Variants in ANO10 observed in about 807,000 individuals in gnomAD.
ANO10 encodes anoctamin 10, also known as anoctamin-10.
ANO10 carries 77 observed loss-of-function variants against 74.7 expected under a neutral mutation model. The ratio of observed to expected loss-of-function variants is 1.03; its 90% CI spans 0.86 to 1.25. ANO10 has a LOEUF of 1.25. Among genes scored for constraint, ANO10 ranks in the 50% most tolerant of loss-of-function variants. ANO10 has a pLI of 0.00. For missense variants in ANO10, 721 were observed against 778.1 expected (o/e 0.93, Z 0.87); for synonymous variants, 279 against 284.9 (o/e 0.98, Z 0.21).
intron 1 of ANO10, among the ~76,000 whole-genome samples, chr3:43,619,025 T>C (rs2888333): frequency 1 from 152,297 of 152,302 alleles, 76,146 homozygotes; most frequent in Middle Eastern, 1. Flanking sequence ...AAGATGGTCT[T>C]GATCTCCTGA....
chr3:43,522,608 G>T (rs2078007426), intron 11 of ANO10, among the ~76,000 whole-genome samples: 1 of 152,224 alleles, frequency 6.6e-6, no homozygotes, highest in Non-Finnish European at 1.5e-5. Context: ...TGCTGGAAAT[G>T]TAACTGAATC....
At chr3:43,405,090 T>G (rs1185428457) in intron 12 of ANO10, among the ~76,000 whole-genome samples, 1 of 152,236 alleles carries the variant, frequency 6.6e-6, no homozygotes, top group Non-Finnish European at 1.5e-5. Context: ...ATCTGCACCG[T>G]AATTTTCATT....
At chr3:43,484,984 G>T in intron 11 of ANO10, 4 of 1,419,932 alleles carry the variant, frequency 2.8e-6, no homozygotes, top group South Asian at 2.4e-5. Flanking sequence ...AGAAGAAGGT[G>T]TTGGGCCTCT....
At chr3:43,515,339 C>T (rs1158333113) in intron 11 of ANO10, among the ~76,000 whole-genome samples, 2 of 152,160 alleles carry the variant, frequency 1.3e-5, no homozygotes, top group East Asian at 1.9e-4. Context: ...GAATAAAAGG[C>T]TGGGTAAGAA....
intron 11 of ANO10, among the ~76,000 whole-genome samples, chr3:43,503,583 T>A (rs763162457): frequency 7.2e-5 from 11 of 152,220 alleles, no homozygotes; most frequent in Non-Finnish European, 1.5e-4. Context: ...GGAAGACAGC[T>A]CACTCCCCCT....
At chr3:43,690,090 G>A (rs72622915) in intron 1 of ANO10, 7,600 of 147,744 alleles carry the variant, frequency 0.051, 288 homozygotes, top group South Asian at 0.12. Context: ...ACGGAGTTTC[G>A]TTCTTGTTGC....
At chr3:43,491,939 G>C (rs537251572) in intron 11 of ANO10, among the ~76,000 whole-genome samples, 2 of 152,220 alleles carry the variant, frequency 1.3e-5, no homozygotes, top group East Asian at 1.9e-4. Flanking sequence ...TGGCCAAATA[G>C]GAACAGCTCC....
Position 43,574,867 on chromosome 3 carries a change from A to G in ANO10, c.1163-3T>C, listed in dbSNP as rs775200011. 2 of 1,613,062 alleles carry G rather than the reference A, an allele frequency of 1.2e-6. No homozygotes were observed. The highest frequency in any genetic ancestry group is 2.2e-5 in the East Asian group (1 of 44,856). ...GGCAGATTCCAATCTGTGATTCTCT[A>G]AAACATTAAAACACACAGGTAACTT... On this transcript the variant is annotated splice_region_variant and splice_polypyrimidine_tract_variant and intron_variant, in intron 6 of 12. Transcript: ENST00000292246.
At chr3:43,384,341 T>C (rs1268889451) in intron 12 of ANO10, among the ~76,000 whole-genome samples, 1 of 152,008 alleles carries the variant, frequency 6.6e-6, no homozygotes, top group Non-Finnish European at 1.5e-5. Flanking sequence ...ATTGTGAAAA[T>C]GACCATACCA....
chr3:43,504,300 G>GTAGATAGATAGATAGATAGA (rs550211978), intron 11 of ANO10, among the ~76,000 whole-genome samples: 13 of 139,820 alleles, frequency 9.3e-5, no homozygotes, highest in East Asian at 2.3e-4. Context: ...AGGTAGGTAG[G>GTAGATAGATAGATAGATAGA]TAGATAGATA....
chr3:43,450,517 GACA>G (rs1205258558), intron 11 of ANO10, among the ~76,000 whole-genome samples: 1 of 152,092 alleles, frequency 6.6e-6, no homozygotes, highest in Admixed American at 6.5e-5. Context: ...CTCCAGCCTG[GACA>G]ACAAGAGTGA....
intron 11 of ANO10, among the ~76,000 whole-genome samples, chr3:43,461,095 T>A (rs953140204): frequency 3.9e-5 from 6 of 151,906 alleles, no homozygotes; most frequent in African/African-American, 1.4e-4. Context: ...AAACGTTTTT[T>A]AAAAAGATCA....
intron 11 of ANO10, among the ~76,000 whole-genome samples, chr3:43,541,278 T>C (rs1276863731): frequency 6.6e-6 from 1 of 152,186 alleles, no homozygotes; most frequent in African/African-American, 2.4e-5. Flanking sequence ...TCAGAAACAA[T>C]GACAATAATA....
chr3:43,574,651 A>T (rs375824896), intron 7 of ANO10, among the ~76,000 whole-genome samples, 158 bp downstream of exon 7: 1 of 152,208 alleles, frequency 6.6e-6, no homozygotes, highest in African/African-American at 2.4e-5. Context: ...AGGCTACTGA[A>T]CACAGAGGTA....
At chr3:43,534,986 T>C (rs1476614245) in intron 11 of ANO10, among the ~76,000 whole-genome samples, 1 of 152,026 alleles carries the variant, frequency 6.6e-6, no homozygotes, top group African/African-American at 2.4e-5. Flanking sequence ...TTCTTTTTTT[T>C]TTTTTGAGAC....
At chr3:43,479,274 A>T (rs1163480582) in intron 11 of ANO10, among the ~76,000 whole-genome samples, 1 of 152,224 alleles carries the variant, frequency 6.6e-6, no homozygotes, top group Admixed American at 6.5e-5. Flanking sequence ...CTGTTATCCC[A>T]GATGTTCTCT....
In ANO10 at chr3:43,570,585, G is replaced by A. The variant is rs1431806038; in HGVS notation, c.1218+4224C>T. On this transcript the variant is annotated intron_variant, in intron 7 of 12. Transcript: ENST00000292246. ...CCTCACAAAAACAAGCAATGGGGAA[G>A]GGATTCCCTATTTAATAAATGGTGC... 1.8e-4 allele frequency among the ~76,000 whole-genome samples: 28 copies of A among 152,078 alleles called. No individual in the cohort carries two copies. The East Asian group carries it at 3.9e-3, about 21-fold the overall frequency.
At chr3:43,403,519 T>C (rs1243845702) in intron 12 of ANO10, among the ~76,000 whole-genome samples, 3 of 152,058 alleles carry the variant, frequency 2.0e-5, no homozygotes, top group Non-Finnish European at 4.4e-5. Context: ...TCCAAGTCTA[T>C]GGGAAAGAGA....
At chr3:43,571,833 A>T (rs1422856198) in intron 7 of ANO10, among the ~76,000 whole-genome samples, 9 of 131,666 alleles carry the variant, frequency 6.8e-5, no homozygotes, top group Non-Finnish European at 1.4e-4. Context: ...CTTAAAGTAT[A>T]AAAAAAAAAA....
Sources: gnomAD v4.1 joint callset for allele counts (sites outside exome capture counted in the v4.1 genomes callset) on GRCh38, gnomAD v4.1.1 for gene constraint, MANE v1.5 for transcripts, NCBI Gene and HGNC (gene_info 2026-07-23, HGNC 2026-07-21) for gene names.